The following RAB11FIP1 variants were observed in gnomAD, a reference collection of about 807,000 sequenced individuals.
RAB11FIP1 encodes the protein RAB11 family interacting protein 1.
A neutral mutation model predicts 83.1 loss-of-function variants in RAB11FIP1; 49 were observed. That is an observed-to-expected ratio of 0.59 (90% CI 0.47 to 0.75). The LOEUF is 0.75. RAB11FIP1 is among the 30% of genes least tolerant of loss of function. The probability of loss-of-function intolerance (pLI) is 0.00; values close to 1 mark genes in which losing one functional copy is unlikely to be tolerated. For missense variants in RAB11FIP1, 1,536 were observed against 1,598.7 expected (o/e 0.96, Z 0.67); for synonymous variants, 670 against 656.0 (o/e 1.02, Z -0.33).
rs750206072 is a variant in RAB11FIP1, at chr8:37,872,144, G to C, written c.2658C>G (p.Leu886=). 15 of 1,613,984 alleles carry C rather than the reference G, an allele frequency of 9.3e-6. No individual in the cohort carries two copies. Among genetic ancestry groups the C allele is most frequent in the Non-Finnish European group, 1.2e-5 (14 of 1,179,938 alleles). ...AGAAACTCTCCTCCTGGGAGGGGAG[G>C]AGGAGGTGATCCGCTGGGGAGGCTG... is the stretch of plus-strand genomic sequence containing the variant. ...GAPASPADHL[L]LPSQEESFSE... is the part of the protein sequence containing the mutation. Residue 886 remains leucine, a synonymous_variant, in exon 4 of 6, where the codon CTC becomes CTG. Transcript: ENST00000330843.
chr8:37,869,045 T>C (rs941095990), intron 5 of RAB11FIP1, among the ~76,000 whole-genome samples: 1 of 151,478 alleles, frequency 6.6e-6, no homozygotes, highest in Non-Finnish European at 1.5e-5. Context: ...CTGAGCAACA[T>C]GATGAAACCT....
intron 1 of RAB11FIP1, among the ~76,000 whole-genome samples, chr8:37,894,772 A>G (rs6991739): frequency 0.47 from 69,638 of 147,552 alleles, 16,669 homozygotes; most frequent in African/African-American, 0.52. Context: ...ATTTTGAGAT[A>G]GAGTTTCGTT....
chr8:37,877,079 G>A (rs764879404), intron 2 of RAB11FIP1, 30 bp downstream of exon 2: 8 of 1,501,278 alleles, frequency 5.3e-6, no homozygotes, highest in Admixed American at 3.5e-5. Context: ...AGGAAGAAGA[G>A]AGGTCAAGCA....
At chr8:37,892,403 T>C (rs1158118012) in intron 1 of RAB11FIP1, among the ~76,000 whole-genome samples, 1 of 151,852 alleles carries the variant, frequency 6.6e-6, no homozygotes, top group Non-Finnish European at 1.5e-5. Context: ...AATTGGACCG[T>C]ATCAACCCAC....
rs781170916 is a variant in RAB11FIP1 at position 37,875,115 on chromosome 8, G to A, written c.1022C>T (p.Ser341Phe). Residue 341 changes from serine (S) to phenylalanine (F), a missense_variant, in exon 3 of 6, where the codon TCC becomes TTC. Physicochemically the swap from Ser to Phe is radical, Grantham distance 155. Coordinates refer to ENST00000330843, the MANE Select transcript of RAB11FIP1 (RefSeq NM_001002814.3). ...GAAGCCCTTGGGGGATGGGGAGGAG[G>A]ACGGGCTGCTATCCTTGATCTCACC... ...AKGEIKDSSP[S>F]SSPSPKGFRK... 6.2e-7 allele frequency: 1 copy of A among 1,614,120 alleles called. No homozygotes were observed. The highest frequency in any genetic ancestry group is 2.2e-5 in the East Asian group (1 of 44,872).
rs931775745 is a variant in RAB11FIP1, at chr8:37,873,153, G to A, written c.1649C>T (p.Pro550Leu). ...PRLEVSPEAQ[P>L]TARLPSPTDS... The stretch of plus-strand genomic sequence containing the variant: ...AGTAGGGGAAGGAAGCCTGGCTGTG[G>A]GTTGCGCCTCTGGAGACACTTCCAG... Residue 550 changes from proline (P) to leucine (L), a missense_variant, in exon 4 of 6, where the codon CCC becomes CTC. Physicochemically the swap from Pro to Leu is moderately conservative, Grantham distance 98 (BLOSUM62 -3). Transcript: ENST00000330843. 1 of 1,605,534 alleles carries A rather than the reference G, an allele frequency of 6.2e-7. No individual in the cohort carries two copies. Among genetic ancestry groups the A allele is most frequent in the Non-Finnish European group, 8.5e-7 (1 of 1,178,062 alleles).
At chr8:37,880,679 T>C (rs776732419) in intron 1 of RAB11FIP1, among the ~76,000 whole-genome samples, 14 of 151,614 alleles carry the variant, frequency 9.2e-5, no homozygotes, top group Non-Finnish European at 1.6e-4. Context: ...GGAGGATCAC[T>C]TGAACCCAGG....
At position 37,877,196 on chromosome 8, in the gene RAB11FIP1, G is replaced by C. The variant is rs751112113; in HGVS notation, c.727C>G (p.Pro243Ala). The change falls in exon 2 of 6, where the codon CCA becomes GCA. Residue 243 changes from proline to alanine, a missense_variant. Physicochemically the swap from Pro to Ala is conservative, Grantham distance 27. Transcript: ENST00000330843. ...CCGGGACGAAGCAGCACTTTTTCTG[G>C]CTTTGAAGTCGGCAGGACAGACATG... ...QSMSVLPTSK[P>A]EKVLLRPGDF... is the part of the protein sequence containing the mutation. 1 of 1,613,960 alleles carries C rather than the reference G, an allele frequency of 6.2e-7. No homozygotes were observed.
At position 37,872,939 on chromosome 8, in the gene RAB11FIP1, G is replaced by A. The variant is rs1158989515; in HGVS notation, c.1863C>T (p.Gly621=). 3.1e-6 allele frequency: 5 copies of A among 1,614,200 alleles called. No homozygotes were observed. Among genetic ancestry groups the A allele is most frequent in the South Asian group, 1.1e-5 (1 of 91,090 alleles). The change falls in exon 4 of 6, where the codon GGC becomes GGT. Residue 621 remains glycine (G), a synonymous_variant. Transcript: ENST00000330843. ...PIESWPLVDR[G]QAKSEGPPLL... ...AGGGTGGTCCTTCAGACTTGGCCTG[G>A]CCCCTGTCTACGAGAGGCCAGCTTT...
At chr8:37,877,687 G>A (rs1806645956) in intron 1 of RAB11FIP1, 136 bp from the exon 2 acceptor site, 2 of 586,056 alleles carry the variant, frequency 3.4e-6, no homozygotes. Context: ...TTCTCTTCGG[G>A]AAGTGGTAGA....
At chr8:37,890,348 C>T (rs1192005386) in intron 1 of RAB11FIP1, among the ~76,000 whole-genome samples, 2 of 152,138 alleles carry the variant, frequency 1.3e-5, no homozygotes, top group Admixed American at 6.6e-5. Context: ...AAGTGGCAGT[C>T]ACACCTCTAG....
chr8:37,893,894 C>CA (rs1024910858), intron 1 of RAB11FIP1, among the ~76,000 whole-genome samples: 10 of 151,046 alleles, frequency 6.6e-5, no homozygotes, highest in East Asian at 3.9e-4. Context: ...ACAATACCAA[C>CA]AAAAAAAAAC....
chr8:37,869,245 AAT>A lies in RAB11FIP1; in HGVS notation c.3633+1173_3633+1174del, dbSNP rs1235064514. ...CCTGTATCAAAAAAAAAAAAAAAAA[AAT>A]TCCTGATTTTGATGAATGTCCTTAC... On this transcript the variant is annotated intron_variant, in intron 5 of 5. Coordinates refer to ENST00000330843, the MANE Select transcript of RAB11FIP1 (RefSeq NM_001002814.3). 1.5e-4 allele frequency among the ~76,000 whole-genome samples: 22 copies of A among 151,004 alleles called. 1 individual carries two copies. Among genetic ancestry groups the A allele is most frequent in the African/African-American group, 5.4e-4 (22 of 41,112 alleles).
chr8:37,877,415 A>G lies in RAB11FIP1; in HGVS notation c.508T>C (p.Phe170Leu). The G allele has an allele frequency of 6.2e-7, 1 of 1,614,140 alleles. No individual in the cohort carries two copies. Among genetic ancestry groups the G allele is most frequent in the South Asian group, 1.1e-5 (1 of 91,086 alleles). The change falls in exon 2 of 6, where the codon TTT (phenylalanine) becomes CTT (leucine). Residue 170 changes from phenylalanine (F) to leucine (L), a missense_variant. Physicochemically the swap from Phe to Leu is conservative, Grantham distance 22. Transcript: ENST00000330843. The stretch of plus-strand genomic sequence containing the variant: ...TTGATCTTGTCCTTCAGCTTTCCAA[A>G]TGGATTCCGAGACTTGTCTTTCATA... ...LSMKDKSRNPFGKLKDKIKGK... is the reference protein window; with the variant it reads ...LSMKDKSRNPLGKLKDKIKGK...
intron 1 of RAB11FIP1, among the ~76,000 whole-genome samples, chr8:37,889,620 A>T (rs72641990): frequency 6.6e-6 from 1 of 152,162 alleles, no homozygotes; most frequent in African/African-American, 2.4e-5. Flanking sequence ...TAACCAGGAC[A>T]AAAGAAAACA....
intron 4 of RAB11FIP1, chr8:37,871,017 G>A (rs759019221): frequency 6.4e-5 from 28 of 440,078 alleles, no homozygotes; most frequent in Non-Finnish European, 1.0e-4. Context: ...GTGGCATTGC[G>A]TTTCTGCAAT....
chr8:37,867,756 A>G (rs1256122867), intron 5 of RAB11FIP1, among the ~76,000 whole-genome samples: 1 of 151,980 alleles, frequency 6.6e-6, no homozygotes, highest in East Asian at 1.9e-4. Context: ...AAAGAAGGAA[A>G]GAAGGAAGGA....
intron 1 of RAB11FIP1, among the ~76,000 whole-genome samples, chr8:37,880,964 A>G (rs1362696229): frequency 6.6e-6 from 1 of 152,224 alleles, no homozygotes; most frequent in African/African-American, 2.4e-5. Context: ...GGTTTTGCCC[A>G]AATGAGCACA....
chr8:37,864,146 C>G (rs566647469), intron 5 of RAB11FIP1, among the ~76,000 whole-genome samples: 32 of 152,368 alleles, frequency 2.1e-4, no homozygotes, highest in African/African-American at 6.3e-4. Context: ...CCGTGGCCGT[C>G]TAGGCACGCC....
Sources: allele counts gnomAD v4.1 joint callset (sites outside exome capture counted in the v4.1 genomes callset), GRCh38; gene constraint gnomAD v4.1.1; transcripts MANE v1.5; gene names NCBI Gene and HGNC (gene_info 2026-07-23, HGNC 2026-07-21).